BRINP1: variants seen among roughly 807,000 people sequenced by gnomAD.
BRINP1 encodes BMP/retinoic acid inducible neural specific 1, also known as BMP/retinoic acid-inducible neural-specific protein 1.
Under a neutral mutation model 72.9 loss-of-function variants are expected in BRINP1, and 17 were observed. The observed-to-expected ratio is 0.23, with a 90% CI of 0.16 to 0.35. The LOEUF (loss-of-function observed/expected upper bound fraction) is 0.35. BRINP1 is among the 10% of genes least tolerant of loss of function. The probability of loss-of-function intolerance (pLI) is 1.00; values close to 1 mark genes in which losing one functional copy is unlikely to be tolerated. For synonymous variants in BRINP1, 418 were observed against 378.5 expected (o/e 1.10, Z -1.21); for missense variants, 850 against 1,001.6 (o/e 0.85, Z 2.04).
At chr9:119,223,803 C>A (rs1830064488) in intron 5 of BRINP1, among the ~76,000 whole-genome samples, 1 of 152,002 alleles carries the variant, frequency 6.6e-6, no homozygotes, top group Non-Finnish European at 1.5e-5. Flanking sequence ...TTTTAAATTT[C>A]ATCTCAGTAG....
chr9:119,289,210 G>A (rs1472808549), intron 2 of BRINP1, among the ~76,000 whole-genome samples: 1 of 152,226 alleles, frequency 6.6e-6, no homozygotes, highest in African/African-American at 2.4e-5. Flanking sequence ...AAATCACAGA[G>A]GCAGGGCAAT....
intron 1 of BRINP1, among the ~76,000 whole-genome samples, chr9:119,324,384 G>A (rs182636417): frequency 1.4e-4 from 22 of 152,156 alleles, no homozygotes; most frequent in African/African-American, 3.1e-4. Flanking sequence ...TGTTTTTATC[G>A]GTGCCTAGTG....
chr9:119,167,447 C>T lies in BRINP1; in HGVS notation c.1923G>A (p.Ser641=), dbSNP rs749359538. The T allele has an allele frequency of 2.5e-5, 40 of 1,613,914 alleles. No homozygotes were observed. Among genetic ancestry groups the T allele is most frequent in the African/African-American group, 2.0e-4 (15 of 74,882 alleles). ...TGTAGAACTGCCTCTTGGAGGGATC[C>T]GACAGGTCCACGGGGCCCTGGCCAG... ...NETGQGPVDL[S]DPSKRQFYIK... The change falls in exon 8 of 8, where the codon TCG becomes TCA. Residue 641 remains serine (S), a synonymous_variant. Coordinates refer to ENST00000265922, the MANE Select transcript of BRINP1 (RefSeq NM_014618.3). The surrounding 1 kb of genome is among the most constrained non-coding windows in gnomAD (Gnocchi z 4.3).
At chr9:119,290,199 C>T (rs1385916245) in intron 2 of BRINP1, among the ~76,000 whole-genome samples, 1 of 152,144 alleles carries the variant, frequency 6.6e-6, no homozygotes, top group Non-Finnish European at 1.5e-5. Context: ...TTAAGAATTG[C>T]ATGTCTATGG....
At chr9:119,171,403 A>C (rs1173618969) in intron 7 of BRINP1, among the ~76,000 whole-genome samples, 1 of 142,604 alleles carries the variant, frequency 7.0e-6, no homozygotes, top group Non-Finnish European at 1.6e-5. Context: ...ACATAATGGT[A>C]AAGGGATCAA....
At chr9:119,168,853 G>C (rs760473148) in intron 7 of BRINP1, among the ~76,000 whole-genome samples, 8 of 152,188 alleles carry the variant, frequency 5.3e-5, no homozygotes, top group Non-Finnish European at 1.2e-4. Context: ...AGAAGGTGTG[G>C]AGAAACAGGA....
intron 4 of BRINP1, among the ~76,000 whole-genome samples, chr9:119,240,095 C>G (rs1234805168): frequency 6.6e-6 from 1 of 151,978 alleles, no homozygotes; most frequent in Non-Finnish European, 1.5e-5. Context: ...ATGGTGAAAC[C>G]CTATCTCTAC....
chr9:119,235,180 T>A (rs1031997199), intron 5 of BRINP1, among the ~76,000 whole-genome samples: 1 of 152,196 alleles, frequency 6.6e-6, no homozygotes, highest in Non-Finnish European at 1.5e-5. Flanking sequence ...AGAGTCAGAA[T>A]GATCTTCTAA....
At chr9:119,274,729 A>C (rs924123663) in intron 2 of BRINP1, among the ~76,000 whole-genome samples, 2 of 152,182 alleles carry the variant, frequency 1.3e-5, no homozygotes, top group Non-Finnish European at 2.9e-5. Context: ...CATTCTAAAA[A>C]TTAGAAAACT....
At chr9:119,279,856 C>T (rs1172019516) in intron 2 of BRINP1, among the ~76,000 whole-genome samples, 1 of 152,126 alleles carries the variant, frequency 6.6e-6, no homozygotes, top group Non-Finnish European at 1.5e-5. Flanking sequence ...AGCTCACTAC[C>T]TGCCCAAATC....
At chr9:119,319,507 T>C (rs930364977) in intron 1 of BRINP1, among the ~76,000 whole-genome samples, 13 of 152,216 alleles carry the variant, frequency 8.5e-5, no homozygotes, top group African/African-American at 3.1e-4. Flanking sequence ...ATATATGTTA[T>C]GATGGCAGGG....
At chr9:119,194,383 G>T (rs184151154) in intron 7 of BRINP1, among the ~76,000 whole-genome samples, 1 of 152,238 alleles carries the variant, frequency 6.6e-6, no homozygotes, top group Admixed American at 6.5e-5. Context: ...TTCTAAAAAT[G>T]CCTTCTTCCT....
chr9:119,277,387 T>G (rs768421751), intron 2 of BRINP1, among the ~76,000 whole-genome samples: 1 of 152,218 alleles, frequency 6.6e-6, no homozygotes, highest in Non-Finnish European at 1.5e-5. Flanking sequence ...AGAAGTTGAA[T>G]GTATTCCTCG....
chr9:119,212,835 G>A (rs1829943301), intron 6 of BRINP1, among the ~76,000 whole-genome samples: 1 of 152,152 alleles, frequency 6.6e-6, no homozygotes, highest in African/African-American at 2.4e-5. Context: ...CTTTCAGGGT[G>A]TTCTAGCTCA....
intron 1 of BRINP1, among the ~76,000 whole-genome samples, chr9:119,366,497 C>T (rs1010713910): frequency 2.1e-5 from 3 of 141,388 alleles, no homozygotes; most frequent in Admixed American, 7.7e-5. Flanking sequence ...GTCCTCCCCC[C>T]ACCACCGTGT....
chr9:119,290,437 G>A (rs1209785499), intron 2 of BRINP1, among the ~76,000 whole-genome samples: 1 of 152,132 alleles, frequency 6.6e-6, no homozygotes, highest in Non-Finnish European at 1.5e-5. Context: ...TAATCTTCTG[G>A]TTTAGTCCCC....
chr9:119,352,568 C>G (rs1238882949), intron 1 of BRINP1, among the ~76,000 whole-genome samples: 1 of 152,080 alleles, frequency 6.6e-6, no homozygotes, highest in Non-Finnish European at 1.5e-5. Context: ...CCACCACACC[C>G]AGCTGATTTT....
rs536377583 is a variant in BRINP1 at position 119,166,941 on chromosome 9, C to T, written c.*143G>A. 3.0e-3 allele frequency: 2,803 copies of T among 924,020 alleles called. 20 individuals are homozygous for T. Among genetic ancestry groups the T allele is most frequent in the Non-Finnish European group, 2.5e-3 (1,549 of 613,500 alleles). 57.2% of individuals were successfully genotyped at this position (924,020 alleles called of 1,614,324 possible). ...ACAGTTGCTAGAACGTTTTCATTTC[C>T]AACAAATGAAGATTTTCCTCCTTTT... is the stretch of plus-strand genomic sequence containing the variant. On this transcript the variant is annotated 3_prime_UTR_variant, in exon 8 of 8. Transcript: ENST00000265922.
chr9:119,353,601 G>A (rs1240564787), intron 1 of BRINP1, among the ~76,000 whole-genome samples: 1 of 151,958 alleles, frequency 6.6e-6, no homozygotes, highest in African/African-American at 2.4e-5. Flanking sequence ...GAAAACTGTT[G>A]CTTAGAGAGG....
Sources: allele counts gnomAD v4.1 joint callset (sites outside exome capture counted in the v4.1 genomes callset), GRCh38; gene constraint gnomAD v4.1.1; non-coding constraint Gnocchi (gnomAD v3.1); transcripts MANE v1.5; gene names NCBI Gene and HGNC (gene_info 2026-07-23, HGNC 2026-07-21).